Variants in ODAD3 observed in about 807,000 individuals in gnomAD.
ODAD3 encodes the protein outer dynein arm docking complex subunit 3, also known as outer dynein arm-docking complex subunit 3.
Under a neutral mutation model 70.9 loss-of-function variants are expected in ODAD3, and 57 were observed. That is an observed-to-expected ratio of 0.80 (90% CI 0.65 to 1.00). The LOEUF (loss-of-function observed/expected upper bound fraction) is 1.00, where lower values mean the gene tolerates loss of function less well. Ranked by LOEUF, ODAD3 falls within the 50% of genes least tolerant of loss-of-function variation. The pLI is 0.00. For synonymous variants in ODAD3, 327 were observed against 315.9 expected (o/e 1.04, Z -0.37); for missense variants, 797 against 763.9 (o/e 1.04, Z -0.51).
chr19:11,424,254 A>T (rs911893800), intron 7 of ODAD3, among the ~76,000 whole-genome samples: 2 of 151,980 alleles, frequency 1.3e-5, no homozygotes, highest in East Asian at 3.8e-4. Flanking sequence ...CTTTAATTCC[A>T]GTACTTTAGG....
At position 11,425,537 on chromosome 19, in the gene ODAD3, G is replaced by GTATATA. The variant is rs1476104871; in HGVS notation, c.963+606_963+607insTATATA. On this transcript the variant is annotated intron_variant, in intron 7 of 12. Transcript: ENST00000356392. ...TATATATGTATATATGTATATATGT[G>GTATATA]TGTATGTATGTATATATGTATATAT... Among the ~76,000 whole-genome samples the GTATATA allele has an allele frequency of 7.2e-5, 10 of 138,926 alleles. 1 individual carries two copies. The highest frequency in any genetic ancestry group is 2.6e-4 in the African/African-American group (9 of 34,644). 91.1% of individuals were successfully genotyped at this position (138,926 alleles called of 152,430 possible).
chr19:11,421,747 A>G lies in ODAD3; in HGVS notation c.1520T>C (p.Leu507Pro), dbSNP rs955753708. Residue 507 changes from leucine to proline, a missense_variant, in exon 11 of 13, where the codon CTG (leucine) becomes CCG (proline). By Grantham distance (98) the Leu-to-Pro change is moderately conservative (BLOSUM62 -3). Coordinates refer to ENST00000356392, the MANE Select transcript of ODAD3 (RefSeq NM_145045.5). The stretch of plus-strand genomic sequence containing the variant: ...CTGGAGCTGCGCCTGCAGTTTCAGC[A>G]GCTTTTCCTCCACGAGGCCCAGCAG... ...PNLLGLVEEK[L>P]LKLQAQLQGH... is the part of the protein sequence containing the mutation. 3 of 1,613,408 alleles carry G rather than the reference A, an allele frequency of 1.9e-6. No homozygotes were observed.
chr19:11,431,099 T>A, intron 1 of ODAD3, 79 bp from the exon 2 acceptor site: 1 of 1,555,040 alleles, frequency 6.4e-7, no homozygotes, highest in Non-Finnish European at 8.7e-7. Flanking sequence ...AAAGACCTTT[T>A]TTGCAATCAT....
intron 7 of ODAD3, among the ~76,000 whole-genome samples, chr19:11,425,455 ATGTG>A (rs1186895349): frequency 6.4e-4 from 86 of 134,852 alleles, no homozygotes; most frequent in Admixed American, 8.0e-4. Context: ...ATATACATAT[ATGTG>A]TGTGTATATA....
rs1225906720 is a variant in ODAD3, at chr19:11,425,525, A to ATGTG, written c.963+618_963+619insCACA. Among the ~76,000 whole-genome samples, 8 of 144,532 alleles carry ATGTG rather than the reference A, an allele frequency of 5.5e-5. 1 individual carries two copies. The highest frequency in any genetic ancestry group is 2.1e-4 in the African/African-American group (8 of 38,180). 94.8% of individuals were successfully genotyped at this position (144,532 alleles called of 152,430 possible). On this transcript the variant is annotated intron_variant, in intron 7 of 12. Coordinates refer to ENST00000356392, the MANE Select transcript of ODAD3 (RefSeq NM_145045.5). ...TATATATGTGTGTATATATGTATATATGTATATATGTGTGTATGTATGTAT... is the reference window on the plus strand; with the variant it reads ...TATATATGTGTGTATATATGTATATATGTGTGTATATATGTGTGTATGTATGTAT...
At chr19:11,425,431 A>ATGTGTG (rs1289488347) in intron 7 of ODAD3, among the ~76,000 whole-genome samples, 1 of 142,872 alleles carries the variant, frequency 7.0e-6, no homozygotes, top group Non-Finnish European at 1.5e-5. Flanking sequence ...ATATACACAT[A>ATGTGTG]TGTGTATATG....
intron 3 of ODAD3, 28 bp from the exon 4 acceptor site, chr19:11,427,068 G>A: frequency 6.5e-7 from 1 of 1,542,918 alleles, no homozygotes; most frequent in Non-Finnish European, 8.7e-7. Context: ...GCGAAAGCAG[G>A]AGCCTCAACA....
At chr19:11,434,563 A>C (rs1274435970) in intron 1 of ODAD3, 3 of 454,278 alleles carry the variant, frequency 6.6e-6, no homozygotes, top group African/African-American at 4.0e-5. Context: ...AGAGAAAATA[A>C]ATTACAAGAA....
chr19:11,427,255 C>A (rs1300968990), intron 3 of ODAD3, among the ~76,000 whole-genome samples: 2 of 151,904 alleles, frequency 1.3e-5, no homozygotes, highest in African/African-American at 4.8e-5. Context: ...GATCTTACAC[C>A]GGCTCAGGGT....
chr19:11,435,260 G>A, upstream of ODAD3: 1 of 1,313,384 alleles, frequency 7.6e-7, no homozygotes, highest in Non-Finnish European at 1.0e-6. Flanking sequence ...AGGCTGCATA[G>A]AGGGGCGGTC....
chr19:11,434,701 C>T (rs1233689749), intron 1 of ODAD3, 72 bp downstream of exon 1: 1 of 1,522,256 alleles, frequency 6.6e-7, no homozygotes, highest in Non-Finnish European at 8.9e-7. Context: ...GGAGAAATAC[C>T]TTTGTCACAC....
intron 3 of ODAD3, 53 bp downstream of exon 3, chr19:11,430,646 T>C: frequency 6.4e-7 from 1 of 1,560,578 alleles, no homozygotes; most frequent in Non-Finnish European, 8.8e-7. Flanking sequence ...AGTCCAGTGG[T>C]GAGGGGACCC....
At chr19:11,428,386 T>C (rs2144776096) in intron 3 of ODAD3, among the ~76,000 whole-genome samples, 1 of 151,976 alleles carries the variant, frequency 6.6e-6, no homozygotes. Context: ...GGACCACAGA[T>C]GCATGCCACG....
rs1292935442 is a variant in ODAD3 at position 11,426,443 on chromosome 19, C to T, written c.840+3G>A. 9.9e-6 allele frequency: 16 copies of T among 1,613,876 alleles called. No individual in the cohort carries two copies. In the Admixed American group the frequency reaches 2.5e-4, roughly 25 times the overall value. On this transcript the variant is annotated splice_donor_region_variant and intron_variant, in intron 6 of 12. Transcript: ENST00000356392. Reference sequence around the variant, plus strand: ...GGATGGCCGAGGGCAAGAGGGGTGGCACCTTGGCAATGTCCCGGGCATTGA... The same window carrying T: ...GGATGGCCGAGGGCAAGAGGGGTGGTACCTTGGCAATGTCCCGGGCATTGA...
chr19:11,425,551 A>ATATGTATATATGTGTGTATG (rs1969337839), intron 7 of ODAD3, among the ~76,000 whole-genome samples: 1 of 131,788 alleles, frequency 7.6e-6, no homozygotes, highest in East Asian at 2.1e-4. Context: ...ATGTATGTAT[A>ATATGTATATATGTGTGTATG]TATGTATATA....
rs1356215589 is a variant in ODAD3 at position 11,422,599 on chromosome 19, C to T, written c.1306G>A (p.Glu436Lys). Reference protein sequence around the residue: ...SQQKLQAEAQERLKKEERRHA... With the variant: ...SQQKLQAEAQKRLKKEERRHA... The stretch of plus-strand genomic sequence containing the variant: ...CGCCGCTCCTCCTTCTTGAGACGCT[C>T]CTGCGCCTCGGCTTGCAGTTTCTGC... Residue 436 changes from glutamate (E) to lysine (K), a missense_variant, in exon 10 of 13, where the codon GAG becomes AAG. Physicochemically the swap from Glu to Lys is moderately conservative, Grantham distance 56 (BLOSUM62 1). Transcript: ENST00000356392. The surrounding 1 kb of genome is among the most constrained non-coding windows in gnomAD (Gnocchi z 4.6). 2.5e-6 allele frequency: 4 copies of T among 1,597,320 alleles called. No individual in the cohort carries two copies. Among genetic ancestry groups the T allele is most frequent in the Middle Eastern group, 1.7e-4 (1 of 5,872 alleles).
chr19:11,427,917 G>A (rs926980629), intron 3 of ODAD3, among the ~76,000 whole-genome samples: 21 of 151,534 alleles, frequency 1.4e-4, no homozygotes, highest in Non-Finnish European at 2.9e-4. Context: ...TGGCTAACAC[G>A]GTAAAACCCC....
At chr19:11,424,180 AC>A (rs1969208616) in intron 7 of ODAD3, 151 bp from the exon 8 acceptor site, 1 of 988,010 alleles carries the variant, frequency 1.0e-6, no homozygotes, top group Admixed American at 2.4e-5. Context: ...AGATAAAGGC[AC>A]CCGGGCAGGT....
rs1969138317 is a variant in ODAD3 at position 11,421,702 on chromosome 19, A to G, written c.1565T>C (p.Met522Thr). The G allele has an allele frequency of 6.2e-7, 1 of 1,613,210 alleles. No individual in the cohort carries two copies. Among genetic ancestry groups the G allele is most frequent in the East Asian group, 2.2e-5 (1 of 44,890 alleles). ...AQLQGHDVQE[M>T]LCHIANREFL... ...CTCGCGGTTAGCGATGTGGCACAGC[A>G]TCTCCTGCACGTCGTGGCCCTGGAG... Residue 522 changes from methionine (M) to threonine (T), a missense_variant, in exon 11 of 13, where the codon ATG becomes ACG. Met to Thr is a moderately conservative substitution (Grantham distance 81, BLOSUM62 -1). Coordinates refer to ENST00000356392, the MANE Select transcript of ODAD3 (RefSeq NM_145045.5).
Sources: allele counts gnomAD v4.1 joint callset (sites outside exome capture counted in the v4.1 genomes callset), GRCh38; gene constraint gnomAD v4.1.1; non-coding constraint Gnocchi (gnomAD v3.1); transcripts MANE v1.5; gene names NCBI Gene and HGNC (gene_info 2026-07-23, HGNC 2026-07-21).